C3: variants seen among roughly 807,000 people sequenced by gnomAD.
C3 encodes C3 and PZP-like alpha-2-macroglobulin domain-containing protein 1.
C3 carries 97 observed loss-of-function variants against 207.9 expected under a neutral mutation model. The observed-to-expected ratio is 0.47, with a 90% CI of 0.40 to 0.55. C3 has a LOEUF of 0.55. Among genes scored for constraint, C3 ranks in the 20% least tolerant of loss-of-function variants. C3 has a pLI of 0.00. For missense variants in C3, 1,684 were observed against 2,171.7 expected (o/e 0.78, Z 4.46); for synonymous variants, 848 against 857.6 (o/e 0.99, Z 0.20).
chr19:6,677,987 C>T lies in C3; in HGVS notation c.4887G>A (p.Glu1629=). 1 of 1,614,154 alleles carries T rather than the reference C, an allele frequency of 6.2e-7. No homozygotes were observed. The highest frequency in any genetic ancestry group is 1.1e-5 in the South Asian group (1 of 91,082). The change falls in exon 41 of 41, where the codon GAG becomes GAA. Residue 1629 remains glutamate, a synonymous_variant. Coordinates refer to ENST00000245907, the MANE Select transcript of C3 (RefSeq NM_000064.4). ...SYIIGKDTWV[E]HWPEEDECQD... is the part of the protein sequence containing the mutation. ...GGCATTCGTCCTCCTCGGGCCAGTG[C>T]TCCACCCAAGTGTCCTTCCCGATGA...
Position 6,720,616 on chromosome 19 carries a change from G to A in C3, c.-27C>T, listed in dbSNP as rs1435128119. The A allele has an allele frequency of 2.7e-6, 4 of 1,498,826 alleles. No homozygotes were observed. Among genetic ancestry groups the A allele is most frequent in the South Asian group, 1.2e-5 (1 of 83,344 alleles). The allele number at this position is 1,498,826 out of a possible 1,614,324, so 92.8% of individuals were successfully genotyped here. The stretch of plus-strand genomic sequence containing the variant: ...GTGCTGGGACAGTGCAGGGTCAGAG[G>A]GACAGAGGGACAGAGGGAGAGGATG... On this transcript the variant is annotated 5_prime_UTR_variant, in exon 1 of 41. Transcript: ENST00000245907.
At chr19:6,706,925 C>T (rs1967789155) in intron 17 of C3, 151 bp downstream of exon 17, 3 of 671,946 alleles carry the variant, frequency 4.5e-6, no homozygotes, top group East Asian at 5.5e-5. Flanking sequence ...ACAGGGACCT[C>T]CTGCCCCCTC....
rs776321400 is a variant in C3 at position 6,686,113 on chromosome 19, GGCCC to G, written c.3810+7_3810+10del. 3.1e-6 allele frequency: 5 copies of G among 1,613,752 alleles called. No homozygotes were observed. Among genetic ancestry groups the G allele is most frequent in the Non-Finnish European group, 1.7e-6 (2 of 1,179,876 alleles). On this transcript the variant is annotated splice_region_variant and intron_variant, in intron 29 of 40. Coordinates refer to ENST00000245907, the MANE Select transcript of C3 (RefSeq NM_000064.4). ...GGGATGCATGTGCCTAGGGGCTGTG[GGCCC>G]ACTTGCCTGGGTAGAGCCATAGCCA...
At chr19:6,696,488 C>G (rs752028348) in intron 22 of C3, 23 bp from the exon 23 acceptor site, 1 of 1,601,272 alleles carries the variant, frequency 6.2e-7, no homozygotes, top group East Asian at 2.2e-5. Flanking sequence ...TGAGAGATAC[C>G]GATGGCTCTA....
intron 35 of C3, among the ~76,000 whole-genome samples, chr19:6,680,514 T>A (rs1051624671): frequency 6.6e-6 from 1 of 152,156 alleles, no homozygotes; most frequent in African/African-American, 2.4e-5. Context: ...AAACAACCCA[T>A]GCACAATCTT....
intron 17 of C3, among the ~76,000 whole-genome samples, chr19:6,706,829 G>GCCTCCTCCCTCCTCAGACAGGGA (rs1967786440): frequency 9.1e-6 from 1 of 109,446 alleles, no homozygotes; most frequent in Non-Finnish European, 1.8e-5. Flanking sequence ...CCCCCTCAAG[G>GCCTCCTCCCTCCTCAGACAGGGA]CCTCCTCCCT....
At chr19:6,710,441 T>G (rs572329055) in intron 13 of C3, among the ~76,000 whole-genome samples, 198 bp downstream of exon 13, 4 of 86,004 alleles carry the variant, frequency 4.7e-5, no homozygotes, top group Non-Finnish European at 6.9e-5. Context: ...AAGAGAGATG[T>G]AGAGAGAGGG....
chr19:6,710,572 GGGA>G lies in C3; in HGVS notation c.1686+64_1686+66del, dbSNP rs1967897293. On this transcript the variant is annotated intron_variant, in intron 13 of 40. Coordinates refer to ENST00000245907, the MANE Select transcript of C3 (RefSeq NM_000064.4). ...GGGAGAGAGAGAGAGAGAGGAGACA[GGGA>G]GAGAGAGAGAGAGAGAGGAGTAGGG... 7.8e-6 allele frequency: 9 copies of G among 1,154,100 alleles called. No individual in the cohort carries two copies. In the South Asian group the frequency reaches 7.9e-5, roughly 10 times the overall value. 71.5% of individuals were successfully genotyped at this position (1,154,100 alleles called of 1,614,324 possible). A position where few individuals can be genotyped will look rare whatever the true frequency, so the allele number is the denominator to read the frequency against.
At chr19:6,717,910 C>CTG (rs1191816884) in intron 4 of C3, 184 bp downstream of exon 4, 1 of 684,972 alleles carries the variant, frequency 1.5e-6, no homozygotes, top group Non-Finnish European at 2.7e-6. Flanking sequence ...GTATTGTGTG[C>CTG]TGTGTGTGTG....
At chr19:6,717,349 T>G (rs1351068782) in intron 4 of C3, 1 of 156,840 alleles carries the variant, frequency 6.4e-6, no homozygotes, top group Non-Finnish European at 1.4e-5. Context: ...GAAAGCAGAA[T>G]CCACGGACAC....
intron 4 of C3, 107 bp downstream of exon 4, chr19:6,717,987 C>G: frequency 9.3e-7 from 1 of 1,078,556 alleles, no homozygotes; most frequent in African/African-American, 1.5e-5. Context: ...GCCTCTGTGT[C>G]TCTGCCACTG....
rs764352743 is a variant in C3, at chr19:6,718,278, T to G, written c.402A>C (p.Thr134=). The stretch of plus-strand genomic sequence containing the variant: ...AGCCAGGGGTGTAGATGGTCTTGTC[T>G]GTCTGGATGAAGAGGTACCCGCTCT... ...SLQSGYLFIQ[T]DKTIYTPGST... The change falls in exon 3 of 41, where the codon ACA becomes ACC. Residue 134 remains threonine, a synonymous_variant. Coordinates refer to ENST00000245907, the MANE Select transcript of C3 (RefSeq NM_000064.4). 8.7e-6 allele frequency: 14 copies of G among 1,613,908 alleles called. No individual in the cohort carries two copies. The highest frequency in any genetic ancestry group is 1.2e-5 in the Non-Finnish European group (14 of 1,179,932).
chr19:6,689,336 C>CTCTCTCT (rs1568213464), intron 27 of C3, among the ~76,000 whole-genome samples: 3 of 46,778 alleles, frequency 6.4e-5, no homozygotes, highest in African/African-American at 2.4e-4. Flanking sequence ...TACCTCCCTC[C>CTCTCTCT]CTCCCTCCCT....
chr19:6,681,919 G>A (rs768241258), intron 35 of C3, 22 bp downstream of exon 35: 1 of 1,575,982 alleles, frequency 6.3e-7, no homozygotes, highest in East Asian at 2.2e-5. Flanking sequence ...AAGCCTCCCA[G>A]GGGAGGATGA....
rs1473557230 is a variant in C3 at position 6,713,329 on chromosome 19, G to T, written c.877-14C>A. 1 of 1,613,898 alleles carries T rather than the reference G, an allele frequency of 6.2e-7. No homozygotes were observed. The highest frequency in any genetic ancestry group is 8.5e-7 in the Non-Finnish European group (1 of 1,180,002). ...GCCATCCTCAATCTGAGAAGGGAGAGGAGGGCTCAGAGAGGGGAGCGGGCT... is the reference window on the plus strand; with the variant it reads ...GCCATCCTCAATCTGAGAAGGGAGATGAGGGCTCAGAGAGGGGAGCGGGCT... On this transcript the variant is annotated splice_polypyrimidine_tract_variant and intron_variant, in intron 8 of 40. Coordinates refer to ENST00000245907, the MANE Select transcript of C3 (RefSeq NM_000064.4).
At chr19:6,694,402 G>A in intron 24 of C3, 29 bp downstream of exon 24, 1 of 1,604,712 alleles carries the variant, frequency 6.2e-7, no homozygotes, top group Non-Finnish European at 8.5e-7. Flanking sequence ...AGGGGTCCCT[G>A]GGGTCTCCAA....
At chr19:6,688,334 A>G (rs1918065146) in intron 27 of C3, among the ~76,000 whole-genome samples, 1 of 151,970 alleles carries the variant, frequency 6.6e-6, no homozygotes, top group Admixed American at 6.5e-5. Flanking sequence ...GGGTTTTGCC[A>G]TGTTGGCCAG....
At chr19:6,714,581 G>C in intron 4 of C3, 135 bp from the exon 5 acceptor site, 1 of 725,082 alleles carries the variant, frequency 1.4e-6, no homozygotes, top group Non-Finnish European at 2.5e-6. Context: ...CAGGGACCCA[G>C]GTGGGCGCAG....
chr19:6,686,041 G>C, intron 29 of C3, 83 bp downstream of exon 29: 4 of 1,379,766 alleles, frequency 2.9e-6, no homozygotes, highest in Non-Finnish European at 4.1e-6. Context: ...TGCCTCGCTG[G>C]GCCTCAGTGT....
Sources: allele counts gnomAD v4.1 joint callset (sites outside exome capture counted in the v4.1 genomes callset), GRCh38; gene constraint gnomAD v4.1.1; transcripts MANE v1.5; gene names NCBI Gene and HGNC (gene_info 2026-07-23, HGNC 2026-07-21).